Variants in ADGB observed in about 807,000 individuals in gnomAD.
ADGB encodes the protein calpain-7-like protein.
A neutral mutation model predicts 210.5 loss-of-function variants in ADGB; 172 were observed. The ratio of observed to expected loss-of-function variants is 0.82; its 90% CI spans 0.72 to 0.93. The LOEUF is 0.93. Among genes scored for constraint, ADGB ranks in the 40% least tolerant of loss-of-function variants. The pLI is 0.00. For missense variants in ADGB, 2,025 were observed against 1,964.8 expected (o/e 1.03, Z -0.58); for synonymous variants, 658 against 662.7 (o/e 0.99, Z 0.11).
chr6:146,690,986 G>C (rs1275194572), intron 10 of ADGB, 130 bp from the exon 11 acceptor site: 3 of 561,076 alleles, frequency 5.3e-6, no homozygotes, highest in Admixed American at 4.0e-5. Context: ...TATTAAGAGA[G>C]GTAGAGATAT....
At chr6:146,756,137 A>G (rs1777403692) in intron 27 of ADGB, among the ~76,000 whole-genome samples, 1 of 152,078 alleles carries the variant, frequency 6.6e-6, no homozygotes, top group Non-Finnish European at 1.5e-5. Context: ...CACAGGCTTC[A>G]GTAGTTTGAG....
rs531813691 is a variant in ADGB at position 146,815,136 on chromosome 6, G to C, written c.4923G>C (p.Gln1641His). Residue 1641 changes from glutamine (Q) to histidine (H), a missense_variant, in exon 36 of 36, where the codon CAG becomes CAC. Transcript: ENST00000397944. ...EHLKLETLAAQEAAMKLETEK... is the reference protein window; with the variant it reads ...EHLKLETLAAHEAAMKLETEK... ...TAAAGCTGGAAACTCTGGCTGCTCA[G>C]GAAGCAGCCATGAAGCTGGAGACAG... The C allele has an allele frequency of 2.7e-4, 423 of 1,547,118 alleles. 3 individuals are homozygous for C. In the African/African-American group the frequency reaches 5.4e-3, roughly 20 times the overall value.
At chr6:146,605,684 C>A (rs1046773105) in intron 1 of ADGB, among the ~76,000 whole-genome samples, 5 of 152,074 alleles carry the variant, frequency 3.3e-5, no homozygotes, top group African/African-American at 1.2e-4. Context: ...GCACCCGGGA[C>A]AACACTTGGC....
intron 30 of ADGB, among the ~76,000 whole-genome samples, chr6:146,783,829 A>G (rs974525500): frequency 6.6e-6 from 1 of 152,148 alleles, no homozygotes; most frequent in Admixed American, 6.5e-5. Flanking sequence ...CACCTACGTA[A>G]AACTTGTCTC....
chr6:146,631,757 C>G (rs1466717018), intron 1 of ADGB, among the ~76,000 whole-genome samples: 1 of 151,956 alleles, frequency 6.6e-6, no homozygotes, highest in African/African-American at 2.4e-5. Flanking sequence ...AGTGAGAGTA[C>G]TGAGTAGTAT....
intron 32 of ADGB, among the ~76,000 whole-genome samples, chr6:146,788,185 T>C (rs1375229601): frequency 6.6e-6 from 1 of 152,164 alleles, no homozygotes; most frequent in Admixed American, 6.6e-5. Flanking sequence ...TTTTAATATA[T>C]GGAGGCAGCT....
At chr6:146,651,336 G>A (rs1400438384) in intron 3 of ADGB, among the ~76,000 whole-genome samples, 1 of 152,132 alleles carries the variant, frequency 6.6e-6, no homozygotes, top group South Asian at 2.1e-4. Context: ...TCTCACAAAG[G>A]GCACCAAATT....
In ADGB at chr6:146,635,394, A is replaced by G; in HGVS notation, c.94A>G (p.Asn32Asp). 1 of 1,533,364 alleles carries G rather than the reference A, an allele frequency of 6.5e-7. No individual in the cohort carries two copies. The highest frequency in any genetic ancestry group is 2.5e-5 in the East Asian group (1 of 40,152). The allele number at this position is 1,533,364 out of a possible 1,614,324, so 95.0% of individuals were successfully genotyped here. ...KSKDFYPFGS[N>D]VQSGSTEQKK... Reference sequence around the variant, plus strand: ...GTCTAGTTTCTATCCTTTTGGCAGTAATGTACAATCTGGTTCTACTGAACA... The same window carrying G: ...GTCTAGTTTCTATCCTTTTGGCAGTGATGTACAATCTGGTTCTACTGAACA... The change falls in exon 2 of 36, where the codon AAT becomes GAT. Residue 32 changes from asparagine to aspartate, a missense_variant. Asn to Asp is a conservative substitution (Grantham distance 23). Transcript: ENST00000397944.
intron 1 of ADGB, among the ~76,000 whole-genome samples, chr6:146,634,551 G>A (rs1326844594): frequency 6.6e-6 from 1 of 151,840 alleles, no homozygotes; most frequent in Non-Finnish European, 1.5e-5. Context: ...TCATGAAAAT[G>A]AACAAAAAGT....
chr6:146,752,857 C>T (rs1777343937), intron 27 of ADGB, 143 bp downstream of exon 27: 3 of 685,168 alleles, frequency 4.4e-6, no homozygotes, highest in East Asian at 6.6e-5. Flanking sequence ...ACAAGTATAG[C>T]ATTTGCATGT....
intron 33 of ADGB, among the ~76,000 whole-genome samples, chr6:146,791,971 T>C (rs1420391343): frequency 1.4e-5 from 2 of 147,504 alleles, no homozygotes; most frequent in African/African-American, 2.5e-5. Context: ...AGTCTTACCA[T>C]ATTGCCCTGG....
intron 27 of ADGB, among the ~76,000 whole-genome samples, chr6:146,758,732 C>A (rs1312693519): frequency 6.6e-6 from 1 of 151,990 alleles, no homozygotes; most frequent in East Asian, 1.9e-4. Context: ...TCAAAACACA[C>A]AGAAATCACT....
At chr6:146,691,443 A>AAAATATATATATATAT (rs1776316330) in intron 11 of ADGB, among the ~76,000 whole-genome samples, 153 bp downstream of exon 11, 1 of 21,284 alleles carries the variant, frequency 4.7e-5, no homozygotes. Flanking sequence ...TATATATATA[A>AAAATATATATATATAT]AAATATATAT....
At chr6:146,638,609 T>TGG (rs775369223) in intron 2 of ADGB, among the ~76,000 whole-genome samples, 14 of 24,144 alleles carry the variant, frequency 5.8e-4, no homozygotes, top group South Asian at 1.9e-3. Context: ...TGTTGTGGGG[T>TGG]GGGGGGGGGG....
At position 146,644,811 on chromosome 6, in the gene ADGB, A is replaced by G; in HGVS notation, c.276A>G (p.Pro92=). The change falls in exon 3 of 36, where the codon CCA becomes CCG. Residue 92 remains proline (P), a synonymous_variant. Coordinates refer to ENST00000397944, the MANE Select transcript of ADGB (RefSeq NM_024694.4). ...FEDPEGKIEL[P]PSLKIYSWKR... is the part of the protein sequence containing the mutation. ...ACCCTGAAGGAAAGATTGAGTTACC[A>G]CCATCCTTGAAAATTTATTCCTGGA... 1 of 1,493,586 alleles carries G rather than the reference A, an allele frequency of 6.7e-7. No homozygotes were observed. Among genetic ancestry groups the G allele is most frequent in the African/African-American group, 1.4e-5 (1 of 71,054 alleles). The allele number at this position is 1,493,586 out of a possible 1,614,324, so 92.5% of individuals were successfully genotyped here. A position where few individuals can be genotyped will look rare whatever the true frequency, so the allele number is the denominator to read the frequency against.
At chr6:146,803,600 T>C (rs1778164072) in intron 35 of ADGB, 1 of 1,363,418 alleles carries the variant, frequency 7.3e-7, no homozygotes, top group South Asian at 1.2e-5. Flanking sequence ...ACCTCCTTCA[T>C]GTTCTTATCA....
At chr6:146,646,646 G>C (rs1205893143) in intron 3 of ADGB, among the ~76,000 whole-genome samples, 2 of 152,030 alleles carry the variant, frequency 1.3e-5, no homozygotes, top group Admixed American at 6.6e-5. Context: ...GACCTGACTG[G>C]AAGTTGTAAA....
At chr6:146,654,328 A>G (rs1027012435) in intron 4 of ADGB, 122 bp downstream of exon 4, 9 of 428,656 alleles carry the variant, frequency 2.1e-5, no homozygotes, top group Non-Finnish European at 3.8e-5. Flanking sequence ...TATTATATAT[A>G]TATATATATA....
At position 146,801,170 on chromosome 6, in the gene ADGB, G is replaced by T. The variant is rs763266244; in HGVS notation, c.4538-13G>T. ...AGCCTAGGTTTTTTGTTGTGTGTGTGTTTTTTTTAAAGAAACAGGACCTCG... is the reference window on the plus strand; with the variant it reads ...AGCCTAGGTTTTTTGTTGTGTGTGTTTTTTTTTTAAAGAAACAGGACCTCG... On this transcript the variant is annotated splice_polypyrimidine_tract_variant and intron_variant, in intron 33 of 35. Transcript: ENST00000397944. The T allele has an allele frequency of 2.9e-5, 42 of 1,429,592 alleles. No individual in the cohort carries two copies. Among genetic ancestry groups the T allele is most frequent in the Middle Eastern group, 1.8e-4 (1 of 5,616 alleles). The allele number at this position is 1,429,592 out of a possible 1,614,324, so 88.6% of individuals were successfully genotyped here. A position where few individuals can be genotyped will look rare whatever the true frequency, so the allele number is the denominator to read the frequency against.
Sources: allele counts gnomAD v4.1 joint callset (sites outside exome capture counted in the v4.1 genomes callset), GRCh38; gene constraint gnomAD v4.1.1; transcripts MANE v1.5; gene names NCBI Gene and HGNC (gene_info 2026-07-23, HGNC 2026-07-21).